Variants in SCFD1 observed in about 807,000 individuals in gnomAD.
SCFD1 encodes sec1 family domain-containing protein 1.
SCFD1 carries 37 observed loss-of-function variants against 103.2 expected under a neutral mutation model. The observed-to-expected ratio is 0.36, with a 90% CI of 0.28 to 0.47. The LOEUF (loss-of-function observed/expected upper bound fraction) is 0.47. SCFD1 is among the 20% of genes least tolerant of loss of function. SCFD1 has a pLI of 1.00. For missense variants in SCFD1, 639 were observed against 761.2 expected, an observed-to-expected ratio of 0.84 and a Z score of 1.89; for synonymous variants, 264 against 245.0, an observed-to-expected ratio of 1.08 and a Z score of -0.73.
At chr14:30,670,127 A>T in intron 10 of SCFD1, 129 bp from the exon 11 acceptor site, 1 of 696,166 alleles carries the variant, frequency 1.4e-6, no homozygotes, top group Non-Finnish European at 2.4e-6. Flanking sequence ...TATGTAACAA[A>T]AGATTGGGAG....
intron 15 of SCFD1, 83 bp downstream of exon 15, chr14:30,694,952 TTGTTGTTTTTCTGACAGTCAA>T (rs1278004906): frequency 6.6e-7 from 1 of 1,520,734 alleles, no homozygotes; most frequent in African/African-American, 1.4e-5. Flanking sequence ...TTGAATAGAA[TTGTTGTTTTTCTGACAGTCAA>T]TGCTAATATC....
At chr14:30,631,306 CTG>C (rs1370351734) in intron 3 of SCFD1, among the ~76,000 whole-genome samples, 1 of 152,044 alleles carries the variant, frequency 6.6e-6, no homozygotes, top group Non-Finnish European at 1.5e-5. Context: ...TGAGCCGAGA[CTG>C]TGCCACTGCA....
chr14:30,668,591 C>T (rs1426756923), intron 10 of SCFD1, among the ~76,000 whole-genome samples: 2 of 152,132 alleles, frequency 1.3e-5, no homozygotes, highest in African/African-American at 4.8e-5. Context: ...GCAAAAGAAA[C>T]TACCATCGGA....
intron 10 of SCFD1, among the ~76,000 whole-genome samples, chr14:30,665,207 T>C (rs1264061420): frequency 6.6e-6 from 1 of 152,176 alleles, no homozygotes; most frequent in Non-Finnish European, 1.5e-5. Context: ...GCAGAAACTG[T>C]ACAAGCAAGA....
At chr14:30,674,887 G>C (rs1181526539) in intron 13 of SCFD1, 97 bp from the exon 14 acceptor site, 3 of 608,616 alleles carry the variant, frequency 4.9e-6, no homozygotes, top group Admixed American at 6.4e-5. Flanking sequence ...CTGTTTCACT[G>C]TTCTGAGTTT....
intron 1 of SCFD1, among the ~76,000 whole-genome samples, chr14:30,626,388 T>G (rs1883453971): frequency 6.6e-6 from 1 of 152,008 alleles, no homozygotes; most frequent in East Asian, 1.9e-4. Flanking sequence ...TGGATATGTG[T>G]TTCAAGCTAG....
intron 20 of SCFD1, among the ~76,000 whole-genome samples, chr14:30,716,915 G>T (rs974538408): frequency 6.6e-6 from 1 of 152,172 alleles, no homozygotes; most frequent in African/African-American, 2.4e-5. Flanking sequence ...AAAAGGATTG[G>T]ATTCTTCCAT....
intron 14 of SCFD1, among the ~76,000 whole-genome samples, chr14:30,682,073 G>T (rs1031955042): frequency 2.0e-5 from 3 of 152,114 alleles, no homozygotes; most frequent in Non-Finnish European, 4.4e-5. Flanking sequence ...CTTTTGATAG[G>T]AGTTAGATAA....
intron 1 of SCFD1, among the ~76,000 whole-genome samples, chr14:30,623,672 G>A (rs561504268): frequency 3.4e-4 from 52 of 152,244 alleles, no homozygotes; most frequent in African/African-American, 1.2e-3. Flanking sequence ...AATTTGCGTG[G>A]CCGTAAACTT....
intron 15 of SCFD1, among the ~76,000 whole-genome samples, chr14:30,697,644 A>G (rs1890787432): frequency 6.6e-6 from 1 of 152,214 alleles, no homozygotes; most frequent in South Asian, 2.1e-4. Flanking sequence ...CTGAGAGGTA[A>G]AGGGCTAGTA....
chr14:30,691,919 G>A (rs776730308), intron 14 of SCFD1, among the ~76,000 whole-genome samples: 6 of 145,106 alleles, frequency 4.1e-5, no homozygotes, highest in Admixed American at 6.9e-5. Flanking sequence ...AATCTGCTAT[G>A]GCATTTAGCA....
intron 19 of SCFD1, chr14:30,715,155 C>CA (rs970121296): frequency 3.9e-5 from 6 of 152,266 alleles, no homozygotes; most frequent in African/African-American, 1.4e-4. Flanking sequence ...TTCCTAAGTA[C>CA]AAAAAATACC....
chr14:30,730,612 T>C (rs1893385487), intron 23 of SCFD1, among the ~76,000 whole-genome samples: 1 of 152,248 alleles, frequency 6.6e-6, no homozygotes, highest in Non-Finnish European at 1.5e-5. Flanking sequence ...TGGCCAGTGA[T>C]GATGAGCACT....
At chr14:30,699,463 A>G (rs1318346334) in intron 15 of SCFD1, among the ~76,000 whole-genome samples, 2 of 152,240 alleles carry the variant, frequency 1.3e-5, no homozygotes, top group Non-Finnish European at 2.9e-5. Context: ...AGAACAGACA[A>G]TAAATGAGTT....
chr14:30,673,069 T>C (rs1888701794), intron 11 of SCFD1, among the ~76,000 whole-genome samples, 188 bp from the exon 12 acceptor site: 1 of 152,166 alleles, frequency 6.6e-6, no homozygotes, highest in Non-Finnish European at 1.5e-5. Context: ...AATAGTATTA[T>C]ATAGATATCA....
At chr14:30,652,363 AG>A (rs1886476507) in intron 9 of SCFD1, 1 of 152,196 alleles carries the variant, frequency 6.6e-6, no homozygotes. Flanking sequence ...ATGGAGCAAC[AG>A]TACATGAGGT....
intron 3 of SCFD1, among the ~76,000 whole-genome samples, chr14:30,633,008 G>T (rs971473388): frequency 5.9e-5 from 9 of 152,186 alleles, no homozygotes; most frequent in African/African-American, 2.2e-4. Flanking sequence ...ATTTGCTGGA[G>T]AATACTGTAT....
At chr14:30,690,772 T>TG (rs1890230985) in intron 14 of SCFD1, among the ~76,000 whole-genome samples, 1 of 152,130 alleles carries the variant, frequency 6.6e-6, no homozygotes, top group Non-Finnish European at 1.5e-5. Flanking sequence ...ACCCGTCTTC[T>TG]GCGTCGCTCA....
At chr14:30,703,490 A>AT (rs1384890729) in intron 17 of SCFD1, among the ~76,000 whole-genome samples, 5 of 150,926 alleles carry the variant, frequency 3.3e-5, no homozygotes, top group Admixed American at 1.3e-4. Context: ...AAATAGTAGA[A>AT]TTTTTTTTCC....
Sources: gnomAD v4.1 joint callset for allele counts (sites outside exome capture counted in the v4.1 genomes callset) on GRCh38, gnomAD v4.1.1 for gene constraint, MANE v1.5 for transcripts, NCBI Gene and HGNC (gene_info 2026-07-23, HGNC 2026-07-21) for gene names.